Variants in INTS6 observed in about 807,000 individuals in gnomAD.
INTS6 encodes DEAD box protein.
Under a neutral mutation model 104.9 loss-of-function variants are expected in INTS6, and 16 were observed. That is an observed-to-expected ratio of 0.15 (90% confidence interval 0.10 to 0.23). The LOEUF is 0.23. INTS6 is among the 10% of genes least tolerant of loss of function. The pLI is 1.00. For synonymous variants in INTS6, 324 were observed against 358.7 expected (o/e 0.90, Z 1.09); for missense variants, 584 against 1,062.8 (o/e 0.55, Z 6.26).
chr13:51,423,801 C>A (rs1316763833), intron 4 of INTS6, among the ~76,000 whole-genome samples: 1 of 151,948 alleles, frequency 6.6e-6, no homozygotes, highest in African/African-American at 2.4e-5. Flanking sequence ...AACTTTCTAA[C>A]CTGTTTTGTT....
intron 5 of INTS6, among the ~76,000 whole-genome samples, chr13:51,390,433 A>AT (rs1330302595): frequency 6.6e-6 from 1 of 151,900 alleles, no homozygotes; most frequent in African/African-American, 2.4e-5. Flanking sequence ...CTACTATGAA[A>AT]TTTTTTATTA....
chr13:51,445,370 T>C (rs1224231046), intron 3 of INTS6: 1 of 152,220 alleles, frequency 6.6e-6, no homozygotes, highest in Non-Finnish European at 1.5e-5. Context: ...TAATAGATGT[T>C]TAAAGCATGT....
At chr13:51,411,773 A>T (rs903724454) in intron 4 of INTS6, among the ~76,000 whole-genome samples, 1 of 152,192 alleles carries the variant, frequency 6.6e-6, no homozygotes, top group Non-Finnish European at 1.5e-5. Context: ...TTTCTTATAA[A>T]GCTAGATATA....
At chr13:51,389,548 G>C in intron 5 of INTS6, 104 bp from the exon 6 acceptor site, 1 of 1,104,780 alleles carries the variant, frequency 9.1e-7, no homozygotes, top group Non-Finnish European at 1.2e-6. Flanking sequence ...TGGGGTTTCT[G>C]ACAGTACTAA....
At chr13:51,341,132 G>C in the INTS6 span, 1 of 1,613,904 alleles carries the variant, frequency 6.2e-7, no homozygotes, top group Non-Finnish European at 8.5e-7. Flanking sequence ...TTTCACTCTT[G>C]CTGCCTCCGA....
the INTS6 span, chr13:51,341,233 A>G: frequency 6.2e-7 from 1 of 1,613,966 alleles, no homozygotes; most frequent in East Asian, 2.2e-5. Context: ...TAGAAATGAG[A>G]CGAACTTTGT....
chr13:51,368,043 A>G, intron 16 of INTS6, 145 bp from the exon 17 acceptor site: 1 of 508,320 alleles, frequency 2.0e-6, no homozygotes, highest in Admixed American at 4.2e-5. Context: ...TAGAGATTTT[A>G]TATTTTAACA....
chr13:51,352,010 T>C (rs961625462), downstream of INTS6, among the ~76,000 whole-genome samples: 2 of 152,152 alleles, frequency 1.3e-5, no homozygotes, highest in East Asian at 3.8e-4. Flanking sequence ...ATTTGTATAT[T>C]TGCCAGTACC....
chr13:51,383,351 A>G lies in INTS6; in HGVS notation c.1158T>C (p.Tyr386=), dbSNP rs1041543876. Residue 386 remains tyrosine (Y), a synonymous_variant, in exon 9 of 18, where the codon TAT becomes TAC. Coordinates refer to ENST00000311234, the MANE Select transcript of INTS6 (RefSeq NM_012141.3). The part of the protein sequence containing the change: ...CVNLFVMPYN[Y]PVLLPLLDDL... Reference sequence around the variant, plus strand: ...TACCTAAGAGGGGAAGAAGGACTGGATAATTGTAAGGCATCACAAATAAGT... The same window carrying G: ...TACCTAAGAGGGGAAGAAGGACTGGGTAATTGTAAGGCATCACAAATAAGT... 1.2e-6 allele frequency: 2 copies of G among 1,612,890 alleles called. No homozygotes were observed. Among genetic ancestry groups the G allele is most frequent in the Admixed American group, 3.3e-5 (2 of 59,886 alleles).
chr13:51,443,216 C>T (rs1952829901), intron 3 of INTS6: 1 of 152,138 alleles, frequency 6.6e-6, no homozygotes, highest in Non-Finnish European at 1.5e-5. Context: ...CTGAACCTTT[C>T]TATGCCTTTT....
the INTS6 span, chr13:51,344,238 C>A: frequency 1.2e-6 from 2 of 1,606,160 alleles, no homozygotes; most frequent in Non-Finnish European, 1.7e-6. Context: ...CTTATCCCAA[C>A]TTGTTTTTCA....
At chr13:51,396,559 T>A (rs191920079) in intron 4 of INTS6, among the ~76,000 whole-genome samples, 32 of 152,262 alleles carry the variant, frequency 2.1e-4, no homozygotes, top group South Asian at 4.1e-4. Flanking sequence ...AGACACTATG[T>A]TTCTCATGAC....
chr13:51,446,748 C>G (rs931905578), intron 3 of INTS6: 2 of 152,050 alleles, frequency 1.3e-5, no homozygotes, highest in Admixed American at 6.5e-5. Flanking sequence ...TCCTGACATG[C>G]TAAAATATAA....
intron 4 of INTS6, among the ~76,000 whole-genome samples, chr13:51,418,705 G>A (rs951836597): frequency 6.6e-6 from 1 of 152,040 alleles, no homozygotes; most frequent in Non-Finnish European, 1.5e-5. Flanking sequence ...AGTAGTTTAA[G>A]GTCAATATTT....
intron 4 of INTS6, among the ~76,000 whole-genome samples, chr13:51,415,819 C>T (rs1046566127): frequency 9.9e-5 from 15 of 152,070 alleles, no homozygotes; most frequent in African/African-American, 2.2e-4. Context: ...CAGATGAACA[C>T]GGATAAAGCC....
At chr13:51,446,773 C>T (rs1256801633) in intron 3 of INTS6, 1 of 152,128 alleles carries the variant, frequency 6.6e-6, no homozygotes, top group Non-Finnish European at 1.5e-5. Context: ...ATGTTGAGAA[C>T]ATTATGCTAA....
chr13:51,375,924 T>G (rs1171684993), intron 13 of INTS6, 124 bp downstream of exon 13: 2 of 742,236 alleles, frequency 2.7e-6, no homozygotes, highest in Non-Finnish European at 3.9e-6. Flanking sequence ...TTCATTTGTT[T>G]GAACTTACAA....
chr13:51,371,800 C>T (rs1357110231), intron 15 of INTS6, among the ~76,000 whole-genome samples: 1 of 152,136 alleles, frequency 6.6e-6, no homozygotes, highest in Non-Finnish European at 1.5e-5. Flanking sequence ...TTCTACCTCA[C>T]AGAGCTCGGA....
chr13:51,413,516 G>A (rs777221653), intron 4 of INTS6, among the ~76,000 whole-genome samples: 2 of 152,106 alleles, frequency 1.3e-5, no homozygotes, highest in Non-Finnish European at 1.5e-5. Flanking sequence ...TGAGAAAACT[G>A]AAACTCAAAA....
Sources: gnomAD v4.1 joint callset for allele counts (sites outside exome capture counted in the v4.1 genomes callset) on GRCh38, gnomAD v4.1.1 for gene constraint, MANE v1.5 for transcripts, NCBI Gene and HGNC (gene_info 2026-07-23, HGNC 2026-07-21) for gene names.